COL24A1: variants seen among roughly 807,000 people sequenced by gnomAD.
COL24A1 encodes collagen alpha-1(XXIV) chain.
A neutral mutation model predicts 253.9 loss-of-function variants in COL24A1; 224 were observed. The ratio of observed to expected loss-of-function variants is 0.88; its 90% CI spans 0.79 to 0.99. The LOEUF is 0.99. Ranked by LOEUF, COL24A1 falls within the 50% of genes least tolerant of loss-of-function variation. COL24A1 has a pLI of 0.00. For synonymous variants in COL24A1, 685 were observed against 673.7 expected, an observed-to-expected ratio of 1.02 and a Z score of -0.26; for missense variants, 2,131 against 2,068.5, an observed-to-expected ratio of 1.03 and a Z score of -0.59.
At position 86,087,555 on chromosome 1, in the gene COL24A1, A is replaced by G. The variant is rs12136002; in HGVS notation, c.1707+1619T>C. Among the ~76,000 whole-genome samples, 656 of 152,346 alleles carry G rather than the reference A, an allele frequency of 4.3e-3. 3 individuals carry two copies. Among genetic ancestry groups the G allele is most frequent in the Non-Finnish European group, 6.7e-3 (457 of 68,030 alleles). On this transcript the variant is annotated intron_variant, in intron 7 of 59. Coordinates refer to ENST00000370571, the MANE Select transcript of COL24A1 (RefSeq NM_152890.7). ...TGTCCTTTTCTGGAGTGCTAATTTC[A>G]TGAACCACAGATATCATTTAACTAC...
At chr1:85,891,895 C>A (rs1245272346) in intron 31 of COL24A1, among the ~76,000 whole-genome samples, 1 of 152,122 alleles carries the variant, frequency 6.6e-6, no homozygotes, top group Non-Finnish European at 1.5e-5. Context: ...AGGAAAAGCA[C>A]AAGCTGGAAT....
chr1:85,920,129 A>T (rs1686299803), intron 24 of COL24A1, among the ~76,000 whole-genome samples: 1 of 152,250 alleles, frequency 6.6e-6, no homozygotes, highest in African/African-American at 2.4e-5. Flanking sequence ...AAGGAGTTCA[A>T]AATCCAGTAA....
At position 85,965,086 on chromosome 1, in the gene COL24A1, A is replaced by G. The variant is rs1191617724; in HGVS notation, c.2464-24T>C. The G allele has an allele frequency of 2.5e-6, 4 of 1,586,238 alleles. No homozygotes were observed. The South Asian group carries it at 4.6e-5, about 18-fold the overall frequency. On this transcript the variant is annotated intron_variant, in intron 22 of 59. Transcript: ENST00000370571. The stretch of plus-strand genomic sequence containing the variant: ...CCCTAGAAGAGAACAGCATAAAAGA[A>G]GAAAGTATATATGTTTAGTCATTCT...
intron 3 of COL24A1, among the ~76,000 whole-genome samples, chr1:86,123,078 A>G (rs1217305868): frequency 6.6e-6 from 1 of 151,998 alleles, no homozygotes; most frequent in Non-Finnish European, 1.5e-5. Context: ...CAGTTTCTTC[A>G]CCTGAAAAAT....
At chr1:86,079,684 T>TA (rs1049950275) in intron 7 of COL24A1, among the ~76,000 whole-genome samples, 4 of 152,070 alleles carry the variant, frequency 2.6e-5, no homozygotes, top group African/African-American at 9.7e-5. Flanking sequence ...AACAGGCATA[T>TA]AAAAAAGTGC....
At chr1:85,815,957 A>AT (rs1398118393) in intron 47 of COL24A1, among the ~76,000 whole-genome samples, 6 of 152,228 alleles carry the variant, frequency 3.9e-5, no homozygotes, top group Non-Finnish European at 5.9e-5. Flanking sequence ...AGAAATCTGC[A>AT]TAAAAATAAG....
intron 3 of COL24A1, among the ~76,000 whole-genome samples, chr1:86,123,473 A>G (rs1438678393): frequency 6.6e-6 from 1 of 152,020 alleles, no homozygotes; most frequent in Non-Finnish European, 1.5e-5. Context: ...ATGAAATATA[A>G]GCTTTTTCTG....
At chr1:86,127,989 T>C (rs1006819442) in intron 2 of COL24A1, among the ~76,000 whole-genome samples, 2 of 152,066 alleles carry the variant, frequency 1.3e-5, no homozygotes, top group African/African-American at 4.8e-5. Flanking sequence ...CATGACATTT[T>C]TAAAGGATAG....
intron 51 of COL24A1, 148 bp downstream of exon 51, chr1:85,783,348 T>C (rs992736148): frequency 1.9e-5 from 11 of 590,722 alleles, no homozygotes; most frequent in Admixed American, 1.5e-4. Flanking sequence ...CTGCAAAAGA[T>C]TGAATTCTGC....
At chr1:86,010,061 A>C (rs375145191) in intron 19 of COL24A1, among the ~76,000 whole-genome samples, 194 of 152,284 alleles carry the variant, frequency 1.3e-3, no homozygotes, top group African/African-American at 3.3e-3. Context: ...CACACACACA[A>C]AAAAAACTTT....
intron 37 of COL24A1, among the ~76,000 whole-genome samples, chr1:85,849,982 TAGAA>T (rs1303760691): frequency 1.3e-5 from 2 of 151,762 alleles, no homozygotes; most frequent in East Asian, 3.9e-4. Context: ...CTCACTGGAG[TAGAA>T]AGAGTTAAAG....
chr1:86,069,290 G>T (rs1701700765), intron 7 of COL24A1, among the ~76,000 whole-genome samples: 2 of 152,134 alleles, frequency 1.3e-5, no homozygotes, highest in Admixed American at 6.5e-5. Flanking sequence ...AGAGCCCTTG[G>T]CCTTTAAGTA....
At chr1:86,134,705 C>T (rs78059103) in intron 2 of COL24A1, among the ~76,000 whole-genome samples, 73,280 of 77,298 alleles carry the variant, frequency 0.95, 35,139 homozygotes, top group Non-Finnish European at 1. Flanking sequence ...TGCACTGTGG[C>T]CTGAGAGACA....
At chr1:85,936,699 C>T (rs1352087336) in intron 24 of COL24A1, among the ~76,000 whole-genome samples, 2 of 147,040 alleles carry the variant, frequency 1.4e-5, no homozygotes, top group Admixed American at 1.4e-4. Context: ...GCCACATGAC[C>T]TGGCAGACCC....
At chr1:86,077,559 T>C (rs1702340852) in intron 7 of COL24A1, among the ~76,000 whole-genome samples, 1 of 152,152 alleles carries the variant, frequency 6.6e-6, no homozygotes, top group African/African-American at 2.4e-5. Flanking sequence ...TGCAGCACTA[T>C]TCACAATAGC....
intron 20 of COL24A1, among the ~76,000 whole-genome samples, chr1:85,979,588 G>A (rs1180583380): frequency 6.6e-6 from 1 of 151,648 alleles, no homozygotes; most frequent in African/African-American, 2.4e-5. Context: ...ACTTAGAGGA[G>A]ATGTATAAAT....
chr1:85,828,674 G>A (rs990195367), intron 43 of COL24A1, among the ~76,000 whole-genome samples: 4 of 115,548 alleles, frequency 3.5e-5, no homozygotes, highest in African/African-American at 1.2e-4. Flanking sequence ...TTACCATTTT[G>A]TAATGGCCTT....
At chr1:85,909,551 G>T (rs1228130147) in intron 26 of COL24A1, among the ~76,000 whole-genome samples, 1 of 151,848 alleles carries the variant, frequency 6.6e-6, no homozygotes, top group Non-Finnish European at 1.5e-5. Flanking sequence ...CAAACTCATG[G>T]AAGAATGGCA....
intron 37 of COL24A1, among the ~76,000 whole-genome samples, chr1:85,852,971 T>C (rs1196364394): frequency 2.0e-5 from 3 of 152,166 alleles, no homozygotes; most frequent in African/African-American, 2.4e-5. Context: ...ATTTTTTCTA[T>C]CTAACTTTTA....
Sources: allele counts gnomAD v4.1 joint callset (sites outside exome capture counted in the v4.1 genomes callset), GRCh38; gene constraint gnomAD v4.1.1; transcripts MANE v1.5; gene names NCBI Gene and HGNC (gene_info 2026-07-23, HGNC 2026-07-21).